Variants in SPRR2G observed in about 807,000 individuals in gnomAD.
The protein encoded by SPRR2G is small proline rich protein 2G.
Under a neutral mutation model 0.7 loss-of-function variants are expected in SPRR2G, and 1 was observed. The ratio of observed to expected loss-of-function variants is 1.49; its 90% confidence interval spans 0.53 to 7.06. The LOEUF (loss-of-function observed/expected upper bound fraction) is 7.06. Among genes scored for constraint, SPRR2G ranks in the 30% most tolerant of loss-of-function variants. The pLI is 0.14. For synonymous variants in SPRR2G, 38 were observed against 33.9 expected (o/e 1.12, Z -0.42); for missense variants, 96 against 88.5 (o/e 1.09, Z -0.34).
chr1:153,171,897 C>T, the SPRR2G span, among the ~76,000 whole-genome samples: 1 of 152,238 alleles, frequency 6.6e-6, no homozygotes, highest in South Asian at 2.1e-4. Flanking sequence ...ATGCTTCTGC[C>T]CTCCCCTCCC....
At chr1:153,183,621 C>A in the SPRR2G span, among the ~76,000 whole-genome samples, 2 of 151,954 alleles carry the variant, frequency 1.3e-5, no homozygotes, top group East Asian at 3.9e-4. Flanking sequence ...GGATATTAGA[C>A]CTTTGTCAGA....
At chr1:153,168,263 T>C in the SPRR2G span, among the ~76,000 whole-genome samples, 1 of 152,212 alleles carries the variant, frequency 6.6e-6, no homozygotes, top group Non-Finnish European at 1.5e-5. Flanking sequence ...GCTTTATCTA[T>C]TTTCAACAAG....
At chr1:153,189,980 G>C in the SPRR2G span, 2 of 152,190 alleles carry the variant, frequency 1.3e-5, no homozygotes, top group Non-Finnish European at 2.9e-5. Context: ...ATTAAAGAAA[G>C]GGGTGATGAG....
At chr1:153,151,447 G>A (rs879727527), upstream of SPRR2G, among the ~76,000 whole-genome samples, 3 of 152,092 alleles carry the variant, frequency 2.0e-5, no homozygotes, top group African/African-American at 4.8e-5. Flanking sequence ...CCCCAACCTG[G>A]GTGTGTTCTG....
chr1:153,182,000 T>A, the SPRR2G span, among the ~76,000 whole-genome samples: 1 of 152,292 alleles, frequency 6.6e-6, no homozygotes, highest in East Asian at 1.9e-4. Context: ...ATCTCCATAC[T>A]GTTACCCATA....
chr1:153,202,773 G>A, the SPRR2G span, among the ~76,000 whole-genome samples: 11 of 152,126 alleles, frequency 7.2e-5, no homozygotes, highest in South Asian at 2.1e-4. Context: ...AGATTCATTC[G>A]TGATGACTGC....
chr1:153,158,813 T>C, the SPRR2G span, among the ~76,000 whole-genome samples: 1 of 152,226 alleles, frequency 6.6e-6, no homozygotes, highest in Non-Finnish European at 1.5e-5. Context: ...GACTCTTGTC[T>C]TCTGCATGCC....
At chr1:153,162,321 C>T in the SPRR2G span, among the ~76,000 whole-genome samples, 4,739 of 152,212 alleles carry the variant, frequency 0.031, 243 homozygotes, top group African/African-American at 0.11. Context: ...ATCCATGTTC[C>T]GGCAAAGCAC....
the SPRR2G span, among the ~76,000 whole-genome samples, chr1:153,187,746 G>A: frequency 1.3e-5 from 2 of 152,108 alleles, no homozygotes; most frequent in African/African-American, 4.8e-5. Flanking sequence ...TGCCCTTGTT[G>A]GAGAGGAGTT....
the SPRR2G span, among the ~76,000 whole-genome samples, chr1:153,194,464 G>T: frequency 6.6e-6 from 1 of 152,190 alleles, no homozygotes; most frequent in Non-Finnish European, 1.5e-5. Context: ...TGAGAAGAGG[G>T]TGTTAGCAAC....
chr1:153,170,419 C>T, the SPRR2G span, among the ~76,000 whole-genome samples: 33 of 152,198 alleles, frequency 2.2e-4, no homozygotes, highest in Non-Finnish European at 4.3e-4. Context: ...CAAAGTGTGC[C>T]TTAAATCATC....
chr1:153,175,242 A>G, the SPRR2G span, among the ~76,000 whole-genome samples: 1 of 152,160 alleles, frequency 6.6e-6, no homozygotes, highest in African/African-American at 2.4e-5. Context: ...TATAAGCTAA[A>G]CACCACTCTG....
At chr1:153,179,348 A>G in the SPRR2G span, among the ~76,000 whole-genome samples, 174 of 152,300 alleles carry the variant, frequency 1.1e-3, 2 homozygotes, top group African/African-American at 3.8e-3. Flanking sequence ...GACACGTCAA[A>G]AGACCATCAC....
the SPRR2G span, among the ~76,000 whole-genome samples, chr1:153,179,833 C>G: frequency 6.6e-6 from 1 of 152,130 alleles, no homozygotes; most frequent in African/African-American, 2.4e-5. Context: ...GTATTCCTAT[C>G]TTGTGCCACA....
chr1:153,194,720 C>G, the SPRR2G span, among the ~76,000 whole-genome samples: 2 of 152,184 alleles, frequency 1.3e-5, no homozygotes, highest in Non-Finnish European at 2.9e-5. Context: ...GAATGATTGT[C>G]TCAGACAGCA....
intron 1 of SPRR2G, 110 bp from the exon 2 acceptor site, chr1:153,150,241 A>G (rs1044859195): frequency 1.4e-6 from 2 of 1,461,828 alleles, no homozygotes; most frequent in Non-Finnish European, 1.8e-6. Context: ...GATCCCTAAT[A>G]CAGTCTTTAT....
At position 153,149,666 on chromosome 1, in the gene SPRR2G, C is replaced by T. The variant is rs1656414232; in HGVS notation, c.*223G>A. 1.6e-5 allele frequency: 10 copies of T among 620,988 alleles called. No individual in the cohort carries two copies. The highest frequency in any genetic ancestry group is 3.9e-5 in the South Asian group (2 of 51,368). The allele number at this position is 620,988 out of a possible 1,614,324, so 38.5% of individuals were successfully genotyped here. A position where few individuals can be genotyped will look rare whatever the true frequency, so the allele number is the denominator to read the frequency against. Reference sequence around the variant, plus strand: ...CTCTCAGGATAGGAACCACCATCTACATCACAGACAGCAAAGCGAGATTAG... The same window carrying T: ...CTCTCAGGATAGGAACCACCATCTATATCACAGACAGCAAAGCGAGATTAG... On this transcript the variant is annotated 3_prime_UTR_variant, in exon 2 of 2. Coordinates refer to ENST00000368748, the MANE Select transcript of SPRR2G (RefSeq NM_001014291.4).
At chr1:153,171,237 C>A in the SPRR2G span, among the ~76,000 whole-genome samples, 1 of 152,142 alleles carries the variant, frequency 6.6e-6, no homozygotes, top group Non-Finnish European at 1.5e-5. Context: ...CCTTCCTCCA[C>A]CCTTTTCCCG....
the SPRR2G span, among the ~76,000 whole-genome samples, chr1:153,170,484 A>G: frequency 2.0e-5 from 3 of 152,188 alleles, no homozygotes; most frequent in Non-Finnish European, 4.4e-5. Context: ...ATGGCAATGA[A>G]AAATGAACAG....
Sources: allele counts gnomAD v4.1 joint callset (sites outside exome capture counted in the v4.1 genomes callset), GRCh38; gene constraint gnomAD v4.1.1; transcripts MANE v1.5; gene names NCBI Gene and HGNC (gene_info 2026-07-23, HGNC 2026-07-21).